SLC24A2: variants seen among roughly 807,000 people sequenced by gnomAD.
SLC24A2 encodes sodium/potassium/calcium exchanger 2.
Under a neutral mutation model 62.0 loss-of-function variants are expected in SLC24A2, and 36 were observed. The observed-to-expected ratio is 0.58, with a 90% CI of 0.44 to 0.77. The LOEUF (loss-of-function observed/expected upper bound fraction) is 0.77. Among genes scored for constraint, SLC24A2 ranks in the 30% least tolerant of loss-of-function variants. SLC24A2 has a pLI of 0.00. For synonymous variants in SLC24A2, 358 were observed against 294.0 expected (o/e 1.22, Z -2.23); for missense variants, 846 against 817.9 (o/e 1.03, Z -0.42).
At position 19,669,124 on chromosome 9, in the gene SLC24A2, A is replaced by G. The variant is rs137889932; in HGVS notation, c.931-46825T>C. On this transcript the variant is annotated intron_variant, in intron 2 of 10. Coordinates refer to ENST00000341998, the MANE Select transcript of SLC24A2 (RefSeq NM_020344.4). ...CTTCATAGCTTGAAAGAAGAAGAGAATAAGAGGGAAAAGCATATGTAATTT... is the reference window on the plus strand; with the variant it reads ...CTTCATAGCTTGAAAGAAGAAGAGAGTAAGAGGGAAAAGCATATGTAATTT... Among the ~76,000 whole-genome samples the G allele has an allele frequency of 2.4e-3, 366 of 152,338 alleles. 4 individuals are homozygous for G. The highest frequency in any genetic ancestry group is 8.3e-3 in the African/African-American group (347 of 41,582).
chr9:20,222,943 G>A, the SLC24A2 span, among the ~76,000 whole-genome samples: 1 of 152,052 alleles, frequency 6.6e-6, no homozygotes, highest in Admixed American at 6.6e-5. Context: ...AGAAAAAAAA[G>A]CAGCATTAAA....
chr9:20,251,868 C>T, the SLC24A2 span, among the ~76,000 whole-genome samples: 1 of 152,174 alleles, frequency 6.6e-6, no homozygotes, highest in Non-Finnish European at 1.5e-5. Flanking sequence ...TGCTGCAGTT[C>T]CAGGTATTAT....
intron 2 of SLC24A2, among the ~76,000 whole-genome samples, chr9:19,649,135 T>C (rs1168545707): frequency 6.6e-6 from 1 of 151,904 alleles, no homozygotes; most frequent in Non-Finnish European, 1.5e-5. Context: ...AACAAATCAG[T>C]GTCAGATATT....
the SLC24A2 span, among the ~76,000 whole-genome samples, chr9:20,107,289 A>C: frequency 7.2e-5 from 11 of 152,140 alleles, no homozygotes; most frequent in South Asian, 4.2e-4. Context: ...TTATAGATTC[A>C]ATGCCATCCC....
At chr9:19,541,798 C>A (rs1358339695) in intron 8 of SLC24A2, among the ~76,000 whole-genome samples, 1 of 148,790 alleles carries the variant, frequency 6.7e-6, no homozygotes, top group African/African-American at 2.5e-5. Context: ...GGCGCCCCTC[C>A]CCCAGCCTCG....
chr9:19,667,008 T>C (rs1490737077), intron 2 of SLC24A2, among the ~76,000 whole-genome samples: 1 of 152,192 alleles, frequency 6.6e-6, no homozygotes, highest in African/African-American at 2.4e-5. Context: ...TCAGGTACTT[T>C]TAATATTTGT....
the SLC24A2 span, among the ~76,000 whole-genome samples, chr9:20,089,333 C>T: frequency 1.3e-5 from 2 of 152,118 alleles, no homozygotes; most frequent in Non-Finnish European, 2.9e-5. Flanking sequence ...TCCAGCACAA[C>T]CACTCTGCCT....
chr9:19,971,141 C>T, the SLC24A2 span, among the ~76,000 whole-genome samples: 9 of 152,264 alleles, frequency 5.9e-5, no homozygotes, highest in African/African-American at 1.4e-4. Context: ...TCCTTCTGCT[C>T]GCACAGAGTA....
intron 2 of SLC24A2, among the ~76,000 whole-genome samples, chr9:19,716,417 T>C (rs1292620450): frequency 3.3e-5 from 5 of 152,236 alleles, no homozygotes; most frequent in Admixed American, 6.5e-5. Context: ...CAATGATAGA[T>C]AGAACAGGGT....
chr9:19,797,385 G>T, the SLC24A2 span, among the ~76,000 whole-genome samples: 1 of 152,014 alleles, frequency 6.6e-6, no homozygotes, highest in Non-Finnish European at 1.5e-5. Flanking sequence ...ATTTGTTCTG[G>T]CCTGGTTTTC....
intron 8 of SLC24A2, among the ~76,000 whole-genome samples, chr9:19,543,397 T>C (rs1834381804): frequency 6.6e-6 from 1 of 151,812 alleles, no homozygotes; most frequent in African/African-American, 2.4e-5. Flanking sequence ...ATTGATTTTT[T>C]TTTTTTTGAA....
At chr9:19,545,250 T>A (rs1350333767) in intron 8 of SLC24A2, among the ~76,000 whole-genome samples, 2 of 151,974 alleles carry the variant, frequency 1.3e-5, no homozygotes, top group African/African-American at 4.8e-5. Context: ...CTTCACAGAA[T>A]TCTCATGCTG....
chr9:20,188,177 C>A, the SLC24A2 span, among the ~76,000 whole-genome samples: 2 of 152,200 alleles, frequency 1.3e-5, no homozygotes, highest in African/African-American at 2.4e-5. Flanking sequence ...GTCCATGCGA[C>A]AAGGTGCATC....
At chr9:20,274,465 T>G in the SLC24A2 span, among the ~76,000 whole-genome samples, 1 of 152,170 alleles carries the variant, frequency 6.6e-6, no homozygotes, top group African/African-American at 2.4e-5. Context: ...TTGGGTAATT[T>G]TGGCTGCTGG....
chr9:20,070,643 A>T, the SLC24A2 span, among the ~76,000 whole-genome samples: 5 of 152,206 alleles, frequency 3.3e-5, no homozygotes, highest in Non-Finnish European at 7.3e-5. Flanking sequence ...TCAGTTTATA[A>T]AGGCCTGCTA....
At chr9:19,828,398 CATAA>C in the SLC24A2 span, among the ~76,000 whole-genome samples, 2 of 152,000 alleles carry the variant, frequency 1.3e-5, no homozygotes, top group African/African-American at 4.8e-5. Flanking sequence ...ACATGCACCC[CATAA>C]ATAATAACTA....
the SLC24A2 span, among the ~76,000 whole-genome samples, chr9:19,850,960 T>TACACATAC: frequency 2.9e-4 from 8 of 27,318 alleles, no homozygotes; most frequent in South Asian, 8.1e-4. Flanking sequence ...TATATATATA[T>TACACATAC]ATATATGTAT....
At chr9:20,069,021 T>C in the SLC24A2 span, among the ~76,000 whole-genome samples, 1 of 148,318 alleles carries the variant, frequency 6.7e-6, no homozygotes, top group Non-Finnish European at 1.5e-5. Context: ...TTCCAAACTA[T>C]ACTCATCCTC....
the SLC24A2 span, among the ~76,000 whole-genome samples, chr9:20,242,128 G>A: frequency 2.0e-5 from 3 of 152,172 alleles, no homozygotes; most frequent in African/African-American, 4.8e-5. Context: ...AGCCACAGGA[G>A]ATTTGACATT....
Sources: allele counts gnomAD v4.1 joint callset (sites outside exome capture counted in the v4.1 genomes callset), GRCh38; gene constraint gnomAD v4.1.1; transcripts MANE v1.5; gene names NCBI Gene and HGNC (gene_info 2026-07-23, HGNC 2026-07-21).